The following HMCN1 variants were observed in gnomAD, a reference collection of about 807,000 sequenced individuals.
The protein encoded by HMCN1 is hemicentin-1.
Under a neutral mutation model 625.9 loss-of-function variants are expected in HMCN1, and 321 were observed. The observed-to-expected ratio is 0.51, with a 90% CI of 0.47 to 0.56. The LOEUF is 0.56. HMCN1 is among the 20% of genes least tolerant of loss of function. The probability of loss-of-function intolerance (pLI) is 0.00; values close to 1 mark genes in which losing one functional copy is unlikely to be tolerated. For missense variants in HMCN1, 6,588 were observed against 6,887.3 expected, an observed-to-expected ratio of 0.96 and a Z score of 1.54; for synonymous variants, 2,425 against 2,417.6, an observed-to-expected ratio of 1.00 and a Z score of -0.09.
intron 67 of HMCN1, among the ~76,000 whole-genome samples, chr1:186,094,705 G>A (rs530096870): frequency 6.6e-6 from 1 of 152,088 alleles, no homozygotes; most frequent in Non-Finnish European, 1.5e-5. Flanking sequence ...CTTGTTTGGA[G>A]TATTCAAACT....
At chr1:186,115,152 A>G (rs926727190) in intron 74 of HMCN1, 106 bp from the exon 75 acceptor site, 2 of 1,459,070 alleles carry the variant, frequency 1.4e-6, no homozygotes, top group African/African-American at 2.8e-5. Flanking sequence ...TTTGCTCATA[A>G]CTATGAGGCA....
At chr1:186,152,934 A>G (rs1650768443) in intron 96 of HMCN1, 63 bp downstream of exon 96, 1 of 1,596,850 alleles carries the variant, frequency 6.3e-7, no homozygotes, top group Middle Eastern at 1.7e-4. Flanking sequence ...AAAGGTCCAT[A>G]GAATGAGCAC....
intron 1 of HMCN1, among the ~76,000 whole-genome samples, chr1:185,786,082 A>C (rs943549209): frequency 8.5e-5 from 13 of 152,238 alleles, no homozygotes; most frequent in African/African-American, 3.1e-4. Flanking sequence ...CAGGGAATAG[A>C]GATTAACAAA....
In HMCN1 at chr1:186,023,009, G is replaced by C. The variant is rs769347246; in HGVS notation, c.5626-21G>C. On this transcript the variant is annotated intron_variant, in intron 35 of 106. Transcript: ENST00000271588. ...CAAGTATAAGATACAAAAATCCTCTGTGCTTTCTGCTCCCAATTAGATACA... is the reference window on the plus strand; with the variant it reads ...CAAGTATAAGATACAAAAATCCTCTCTGCTTTCTGCTCCCAATTAGATACA... The C allele has an allele frequency of 1.9e-6, 3 of 1,612,040 alleles. No homozygotes were observed. In the African/African-American group the frequency reaches 4.0e-5, roughly 22 times the overall value.
chr1:185,854,914 G>C (rs1374519513), intron 2 of HMCN1, among the ~76,000 whole-genome samples: 1 of 152,050 alleles, frequency 6.6e-6, no homozygotes, highest in Admixed American at 6.5e-5. Flanking sequence ...TCATTAACTA[G>C]CTAATAACAA....
chr1:186,151,350 G>GT lies in HMCN1; in HGVS notation c.14758+2dup. 6.2e-7 allele frequency: 1 copy of GT among 1,612,858 alleles called. No homozygotes were observed. The highest frequency in any genetic ancestry group is 8.5e-7 in the Non-Finnish European group (1 of 1,179,174). ...ATTACCAATGTACCTCGTAGTCTTG[G>GT]TAAGTCTTTGCCTCAAGCCTCTTTT... is the stretch of plus-strand genomic sequence containing the variant. On this transcript the variant is annotated splice_donor_variant, in intron 94 of 106. Coordinates refer to ENST00000271588, the MANE Select transcript of HMCN1 (RefSeq NM_031935.3). LOFTEE classifies it high-confidence loss of function.
intron 1 of HMCN1, among the ~76,000 whole-genome samples, chr1:185,781,347 C>T (rs1164768635): frequency 1.3e-5 from 2 of 152,130 alleles, no homozygotes; most frequent in East Asian, 1.9e-4. Context: ...TCTCTATCTC[C>T]TTCAGTTCTG....
At chr1:186,069,883 A>T in intron 51 of HMCN1, 107 bp downstream of exon 51, 1 of 751,448 alleles carries the variant, frequency 1.3e-6, no homozygotes, top group Non-Finnish European at 2.4e-6. Context: ...ACCATTAAAG[A>T]CTTGTTTGTG....
At chr1:186,055,307 T>G (rs896110326) in intron 44 of HMCN1, 86 bp from the exon 45 acceptor site, 18 of 1,180,594 alleles carry the variant, frequency 1.5e-5, no homozygotes, top group Admixed American at 9.3e-5. Context: ...AAAAATATAT[T>G]TAAGTTTGGC....
intron 36 of HMCN1, among the ~76,000 whole-genome samples, chr1:186,025,266 C>A (rs1468634480): frequency 6.6e-6 from 1 of 152,146 alleles, no homozygotes; most frequent in Non-Finnish European, 1.5e-5. Flanking sequence ...CAGTTCCTAA[C>A]CAGCCATCAA....
At chr1:185,900,206 C>G (rs1233042108) in intron 4 of HMCN1, among the ~76,000 whole-genome samples, 1 of 151,920 alleles carries the variant, frequency 6.6e-6, no homozygotes. Flanking sequence ...TCTTGCTTTA[C>G]TTTTTTCTTT....
chr1:186,141,670 T>TG (rs1649972470), intron 89 of HMCN1, among the ~76,000 whole-genome samples: 1 of 152,222 alleles, frequency 6.6e-6, no homozygotes, highest in South Asian at 2.1e-4. Context: ...TAGCTTACAC[T>TG]TATGTAGGAT....
At chr1:185,967,404 A>T (rs917535593) in intron 14 of HMCN1, among the ~76,000 whole-genome samples, 18 of 152,180 alleles carry the variant, frequency 1.2e-4, no homozygotes, top group African/African-American at 3.9e-4. Context: ...TCTTATCTCA[A>T]CTATAGATAT....
chr1:185,740,194 A>G (rs891896600), intron 1 of HMCN1, among the ~76,000 whole-genome samples: 1 of 152,204 alleles, frequency 6.6e-6, no homozygotes, highest in Non-Finnish European at 1.5e-5. Context: ...GGTTCTGAAC[A>G]TAGAAGTGAC....
At chr1:186,146,565 C>T (rs1313014160) in intron 93 of HMCN1, among the ~76,000 whole-genome samples, 1 of 152,022 alleles carries the variant, frequency 6.6e-6, no homozygotes, top group African/African-American at 2.4e-5. Context: ...GTTAGAATCT[C>T]CAAAGCTTTA....
chr1:185,918,350 G>C (rs1349910690), intron 6 of HMCN1, among the ~76,000 whole-genome samples: 4 of 152,180 alleles, frequency 2.6e-5, no homozygotes, highest in African/African-American at 9.7e-5. Context: ...TCCATCATGG[G>C]AGAAAGATGA....
intron 2 of HMCN1, among the ~76,000 whole-genome samples, chr1:185,848,464 T>C (rs1313458950): frequency 1.3e-5 from 2 of 152,102 alleles, no homozygotes; most frequent in East Asian, 1.9e-4. Flanking sequence ...CCATTGAGTA[T>C]TGGTGTTCCT....
At chr1:186,058,351 A>G (rs982537498) in intron 46 of HMCN1, among the ~76,000 whole-genome samples, 1 of 152,022 alleles carries the variant, frequency 6.6e-6, no homozygotes, top group Non-Finnish European at 1.5e-5. Context: ...TGCCACATCA[A>G]TAAACTATAT....
intron 4 of HMCN1, among the ~76,000 whole-genome samples, chr1:185,887,982 T>A (rs1406967886): frequency 1.4e-5 from 2 of 141,250 alleles, no homozygotes; most frequent in East Asian, 2.0e-4. Flanking sequence ...GTTTCCTGAC[T>A]TTTTAATGAT....
Sources: allele counts gnomAD v4.1 joint callset (sites outside exome capture counted in the v4.1 genomes callset), GRCh38; gene constraint gnomAD v4.1.1; transcripts MANE v1.5; gene names NCBI Gene and HGNC (gene_info 2026-07-23, HGNC 2026-07-21).